PARG: variants seen among roughly 807,000 people sequenced by gnomAD.
The protein encoded by PARG is poly(ADP-ribose) glycohydrolase.
A neutral mutation model predicts 113.0 loss-of-function variants in PARG; 35 were observed. That is an observed-to-expected ratio of 0.31 (90% CI 0.24 to 0.41). The LOEUF is 0.41. Among genes scored for constraint, PARG ranks in the 10% least tolerant of loss-of-function variants. The pLI is 1.00. For missense variants in PARG, 797 were observed against 1,169.4 expected, an observed-to-expected ratio of 0.68 and a Z score of 4.64; for synonymous variants, 330 against 409.9, an observed-to-expected ratio of 0.81 and a Z score of 2.36.
intron 13 of PARG, among the ~76,000 whole-genome samples, chr10:49,844,942 C>T (rs902666802): frequency 1.3e-5 from 2 of 152,076 alleles, no homozygotes; most frequent in East Asian, 1.9e-4. Context: ...GGACAGAAGA[C>T]CTGAATATAA....
intron 7 of PARG, among the ~76,000 whole-genome samples, chr10:49,893,146 TA>T (rs1554841937): frequency 6.4e-5 from 8 of 125,528 alleles, no homozygotes; most frequent in African/African-American, 2.0e-4. Flanking sequence ...TCAGTTTTTC[TA>T]AAAAACAGCC....
intron 9 of PARG, among the ~76,000 whole-genome samples, chr10:49,869,926 G>A (rs1554837600): frequency 6.6e-6 from 1 of 152,076 alleles, no homozygotes; most frequent in African/African-American, 2.4e-5. Context: ...TTACTACGTA[G>A]TTTGATAAGT....
At chr10:49,847,311 G>C (rs1280853205) in intron 13 of PARG, among the ~76,000 whole-genome samples, 1 of 151,964 alleles carries the variant, frequency 6.6e-6, no homozygotes, top group African/African-American at 2.4e-5. Context: ...ATTAATTACA[G>C]AATGAAAAAG....
intron 15 of PARG, among the ~76,000 whole-genome samples, chr10:49,834,204 T>C (rs1354159746): frequency 6.6e-6 from 1 of 152,186 alleles, no homozygotes; most frequent in East Asian, 1.9e-4. Flanking sequence ...TTGAATAGGC[T>C]CTTGAAAGAT....
At chr10:49,891,623 A>ATTTTTTTTTT (rs1160158066) in intron 7 of PARG, among the ~76,000 whole-genome samples, 1 of 47,440 alleles carries the variant, frequency 2.1e-5, no homozygotes. Context: ...ATATATATAT[A>ATTTTTTTTTT]TTTTTTTTTT....
rs1348194921 is a variant in PARG at position 49,933,792 on chromosome 10, G to A, written c.656C>T (p.Ala219Val). The change falls in exon 3 of 18, where the codon GCA (alanine) becomes GTA (valine). Residue 219 changes from alanine (A) to valine (V), a missense_variant. Ala to Val is a moderately conservative substitution (Grantham distance 64). Around this residue, in one of 5 missense-constraint regions of PARG, gnomAD observed 284 missense variants for 306.1 expected, o/e 0.93. Coordinates refer to ENST00000616448, the MANE Select transcript of PARG (RefSeq NM_003631.5). ...CTGTTCATCTTCTGTAGTCTGCTTT[G>A]CATTTGCAAGCTTTACAGTTGTGAG... ...QFLTTVKLAN[A>V]KQTTEDEQAR... 346 of 1,613,430 alleles carry A rather than the reference G, an allele frequency of 2.1e-4. 1 individual carries two copies. The African/African-American group carries it at 3.9e-3, about 18-fold the overall frequency.
chr10:49,904,457 C>T (rs1418673403), intron 7 of PARG, among the ~76,000 whole-genome samples: 1 of 151,258 alleles, frequency 6.6e-6, no homozygotes, highest in South Asian at 2.1e-4. Flanking sequence ...ACATCAATTA[C>T]AGAACTTTGA....
intron 15 of PARG, among the ~76,000 whole-genome samples, chr10:49,833,659 A>T (rs1844778563): frequency 6.6e-6 from 1 of 152,198 alleles, no homozygotes; most frequent in South Asian, 2.1e-4. Flanking sequence ...CCATTGTGTA[A>T]GATCCCAGAG....
intron 1 of PARG, among the ~76,000 whole-genome samples, chr10:49,936,790 C>A (rs1156604843): frequency 1.3e-5 from 2 of 152,218 alleles, no homozygotes; most frequent in African/African-American, 4.8e-5. Flanking sequence ...ATACAAAAAT[C>A]AATGGTTTAT....
chr10:49,892,086 A>G (rs1398731401), intron 7 of PARG, among the ~76,000 whole-genome samples: 5 of 152,128 alleles, frequency 3.3e-5, no homozygotes, highest in Non-Finnish European at 7.4e-5. Context: ...TGTTCCTAAT[A>G]GTAACATAAC....
chr10:49,890,892 A>C (rs1332905200), intron 7 of PARG, among the ~76,000 whole-genome samples: 1 of 152,272 alleles, frequency 6.6e-6, no homozygotes, highest in African/African-American at 2.4e-5. Flanking sequence ...AAAGTATTAA[A>C]TATTGACTAC....
intron 9 of PARG, among the ~76,000 whole-genome samples, chr10:49,877,342 T>C (rs1369108757): frequency 3.3e-5 from 5 of 151,828 alleles, no homozygotes; most frequent in South Asian, 4.2e-4. Context: ...CACTCTGATA[T>C]TGGAGAGAAT....
At chr10:49,879,248 T>C (rs1170578218) in intron 9 of PARG, among the ~76,000 whole-genome samples, 1 of 152,088 alleles carries the variant, frequency 6.6e-6, no homozygotes, top group Non-Finnish European at 1.5e-5. Context: ...TAGACTCTCA[T>C]TTTATAAGAC....
chr10:49,933,419 C>G lies in PARG; in HGVS notation c.1029G>C (p.Arg343Ser). The G allele has an allele frequency of 6.2e-7, 1 of 1,613,558 alleles. No individual in the cohort carries two copies. Among genetic ancestry groups the G allele is most frequent in the Non-Finnish European group, 8.5e-7 (1 of 1,179,550 alleles). ...CAATGTCAGCGTCTCTTGCTTGGAA[C>G]CTTGAAGGTTTATTTGCTGTTTGGG... ...SSSQTANKPS[R>S]FQARDADIEF... Residue 343 changes from arginine to serine, a missense_variant, in exon 3 of 18, where the codon AGG (arginine) becomes AGC (serine). Physicochemically the swap from Arg to Ser is moderately radical, Grantham distance 110. Around this residue, in one of 5 missense-constraint regions of PARG, gnomAD observed 252 missense variants for 437.4 expected, o/e 0.58. Coordinates refer to ENST00000616448, the MANE Select transcript of PARG (RefSeq NM_003631.5).
chr10:49,895,873 A>C (rs1435952820), intron 7 of PARG, among the ~76,000 whole-genome samples: 4 of 152,122 alleles, frequency 2.6e-5, no homozygotes, highest in Non-Finnish European at 4.4e-5. Context: ...GGTTTTTTAA[A>C]GCTATTTTTA....
chr10:49,837,922 A>G (rs746292237), intron 15 of PARG, among the ~76,000 whole-genome samples: 2 of 152,220 alleles, frequency 1.3e-5, no homozygotes, highest in Middle Eastern at 3.2e-3. Flanking sequence ...TTGAAAAACT[A>G]TATCAAACAG....
Position 49,819,342 on chromosome 10 carries a change from A to G in PARG, c.2929T>C (p.Ter977ArgextTer18), listed in dbSNP as rs1268834128. The G allele has an allele frequency of 2.6e-6, 4 of 1,550,614 alleles. No individual in the cohort carries two copies. Among genetic ancestry groups the G allele is most frequent in the East Asian group, 2.4e-5 (1 of 40,928 alleles). ...GGAGATGCTATTCGCTCGGCTCCTCAGGTCCCTGTCCTTTGCCCTGAATGG... is the reference window on the plus strand; with the variant it reads ...GGAGATGCTATTCGCTCGGCTCCTCGGGTCCCTGTCCTTTGCCCTGAATGG... Reference protein sequence around the residue: ...ADHSGQRTGT* With the variant: ...ADHSGQRTGTR Residue 977 changes from the stop codon to arginine, a stop_lost, in exon 18 of 18, where the codon TGA becomes CGA. Coordinates refer to ENST00000616448, the MANE Select transcript of PARG (RefSeq NM_003631.5).
intron 7 of PARG, among the ~76,000 whole-genome samples, chr10:49,910,980 T>G (rs1837145860): frequency 6.6e-6 from 1 of 151,606 alleles, no homozygotes; most frequent in Admixed American, 6.6e-5. Context: ...GTGCCACAGG[T>G]GTTGTAAAAG....
At chr10:49,878,713 C>G (rs746671416) in intron 9 of PARG, among the ~76,000 whole-genome samples, 54 of 151,910 alleles carry the variant, frequency 3.6e-4, no homozygotes, top group Admixed American at 2.6e-3. Flanking sequence ...TTTGTGTATC[C>G]GCTCTATGAC....
Sources: gnomAD v4.1 joint callset for allele counts (sites outside exome capture counted in the v4.1 genomes callset) on GRCh38, gnomAD v4.1.1 for gene constraint, gnomAD v4.1.1 regional missense constraint, MANE v1.5 for transcripts, NCBI Gene and HGNC (gene_info 2026-07-23, HGNC 2026-07-21) for gene names.